B3GNT4: variants seen among roughly 807,000 people sequenced by gnomAD.
B3GNT4 encodes the protein UDP-GlcNAc:betaGal beta-1,3-N-acetylglucosaminyltransferase 4, also known as N-acetyllactosaminide beta-1,3-N-acetylglucosaminyltransferase 4.
A neutral mutation model predicts 2.7 loss-of-function variants in B3GNT4; 2 were observed. The ratio of observed to expected loss-of-function variants is 0.73; its 90% CI spans 0.30 to 2.31. B3GNT4 has a LOEUF of 2.31. Among genes scored for constraint, B3GNT4 ranks in the 30% most tolerant of loss-of-function variants. B3GNT4 has a pLI of 0.12. For synonymous variants in B3GNT4, 280 were observed against 203.4 expected (o/e 1.38, Z -3.20); for missense variants, 708 against 490.9 (o/e 1.44, Z -4.18).
Position 122,207,284 on chromosome 12 carries a change from C to A in B3GNT4, c.1033C>A (p.Leu345Ile). 6 of 1,614,006 alleles carry A rather than the reference C, an allele frequency of 3.7e-6. No homozygotes were observed. The highest frequency in any genetic ancestry group is 5.1e-6 in the Non-Finnish European group (6 of 1,179,976). The part of the protein sequence containing the change: ...DPLDPCLYRG[L>I]LLVHRLSPLE... ...CTTAGACCCCTGCCTGTATAGGGGG[C>A]TCCTGCTGGTTCACCGCCTCAGCCC... The change falls in exon 3 of 3, where the codon CTC (leucine) becomes ATC (isoleucine). Residue 345 changes from leucine (L) to isoleucine (I), a missense_variant. By Grantham distance (5) the Leu-to-Ile change is conservative (BLOSUM62 2). Transcript: ENST00000324189.
In B3GNT4 at chr12:122,208,143, TAC is replaced by T; in HGVS notation, c.*757_*758del. ...TAAAAAAAATGGGTAAGAGCAGCTG[TAC>T]AGAGTGGGGTGAAATGTTAAACAGG... On this transcript the variant is annotated 3_prime_UTR_variant, in exon 3 of 3. Transcript: ENST00000324189. 1 of 689,624 alleles carries T rather than the reference TAC, an allele frequency of 1.5e-6. No individual in the cohort carries two copies. Among genetic ancestry groups the T allele is most frequent in the Non-Finnish European group, 2.6e-6 (1 of 379,580 alleles). The allele number at this position is 689,624 out of a possible 1,614,324, so 42.7% of individuals were successfully genotyped here. A position where few individuals can be genotyped will look rare whatever the true frequency, so the allele number is the denominator to read the frequency against.
Position 122,206,319 on chromosome 12 carries a change from G to A in B3GNT4, c.68G>A (p.Gly23Glu). The change falls in exon 3 of 3, where the codon GGA (glycine) becomes GAA (glutamate). Residue 23 changes from glycine (G) to glutamate (E), a missense_variant and splice_region_variant. Gly to Glu is a moderately conservative substitution (Grantham distance 98). Coordinates refer to ENST00000324189, the MANE Select transcript of B3GNT4 (RefSeq NM_030765.4). ...GCTCAGGTGGCTCTCTCCTTGCAGG[G>A]ACCGGCGATGCTCTGCAGGCTGTGC... The part of the protein sequence containing the change: ...RGGRSGLLPK[G>E]PAMLCRLCWL... The A allele has an allele frequency of 6.4e-7, 1 of 1,556,166 alleles. No homozygotes were observed. The highest frequency in any genetic ancestry group is 8.7e-7 in the Non-Finnish European group (1 of 1,150,926).
chr12:122,204,538 A>G lies in B3GNT4; in HGVS notation c.-81A>G. The G allele has an allele frequency of 5.7e-6, 7 of 1,227,644 alleles. No individual in the cohort carries two copies. In the South Asian group the frequency reaches 8.6e-5, roughly 15 times the overall value. The allele number at this position is 1,227,644 out of a possible 1,614,324, so 76.0% of individuals were successfully genotyped here. A position where few individuals can be genotyped will look rare whatever the true frequency, so the allele number is the denominator to read the frequency against. ...CGTCCACAGCCCGCGGTGCTCGCAC[A>G]CCTGAGACTCATCTCGCTTCGACCC... On this transcript the variant is annotated 5_prime_UTR_variant, in exon 2 of 3. Transcript: ENST00000324189.
rs1953938128 is a variant in B3GNT4, at chr12:122,207,187, G to A, written c.936G>A (p.Leu312=). ...PIDDVFVGMC[L]RRLGLSPMHH... ...ATGATGTCTTTGTGGGTATGTGCCT[G>A]AGGCGGCTGGGGCTGAGCCCTATGC... is the stretch of plus-strand genomic sequence containing the variant. The change falls in exon 3 of 3, where the codon CTG becomes CTA. Residue 312 remains leucine, a synonymous_variant. Transcript: ENST00000324189. 2.5e-6 allele frequency: 4 copies of A among 1,614,042 alleles called. No homozygotes were observed. The East Asian group carries it at 6.7e-5, about 27-fold the overall frequency.
rs1338337439 is a variant in B3GNT4 at position 122,207,485 on chromosome 12, G to C, written c.*97G>C. 1 of 1,205,670 alleles carries C rather than the reference G, an allele frequency of 8.3e-7. No individual in the cohort carries two copies. The highest frequency in any genetic ancestry group is 1.1e-6 in the Non-Finnish European group (1 of 888,472). 74.7% of individuals were successfully genotyped at this position (1,205,670 alleles called of 1,614,324 possible). On this transcript the variant is annotated 3_prime_UTR_variant, in exon 3 of 3. Coordinates refer to ENST00000324189, the MANE Select transcript of B3GNT4 (RefSeq NM_030765.4). ...GCTGCTCTACAGAAAATGCCAACTT[G>C]GTTTTTTAACTCCTCTCACCCTGTT...
intron 2 of B3GNT4, 124 bp from the exon 3 acceptor site, chr12:122,206,194 G>A (rs1301613636): frequency 6.7e-6 from 5 of 740,960 alleles, no homozygotes; most frequent in East Asian, 2.7e-5. Flanking sequence ...CTGAGGATAC[G>A]CTGAGAATAA....
At position 122,206,932 on chromosome 12, in the gene B3GNT4, CGT is replaced by C; in HGVS notation, c.684_685del (p.Leu229ArgfsTer28). 6.2e-7 allele frequency: 1 copy of C among 1,614,150 alleles called. No individual in the cohort carries two copies. The highest frequency in any genetic ancestry group is 8.5e-7 in the Non-Finnish European group (1 of 1,180,038). ...ACGATGTCTTTGTCCACGTCCCCAA[CGT>C]GTTAGAGTTCCTGGATGGCTGGGAC... ...DDDVFVHVPN[V>X]LEFLDGWDPA... On this transcript the variant is annotated frameshift_variant, in exon 3 of 3. Transcript: ENST00000324189. LOFTEE classifies it low-confidence loss of function (END_TRUNC).
rs1189746097 is a variant in B3GNT4 at position 122,207,279 on chromosome 12, G to C, written c.1028G>C (p.Arg343Thr). The change falls in exon 3 of 3, where the codon AGG (arginine) becomes ACG (threonine). Residue 343 changes from arginine (R) to threonine (T), a missense_variant. Arg to Thr is a moderately conservative substitution (Grantham distance 71, BLOSUM62 -1). Transcript: ENST00000324189. ...GACCCCTTAGACCCCTGCCTGTATA[G>C]GGGGCTCCTGCTGGTTCACCGCCTC... ...PLDPLDPCLY[R>T]GLLLVHRLSP... 2 of 1,613,908 alleles carry C rather than the reference G, an allele frequency of 1.2e-6. No homozygotes were observed. Among genetic ancestry groups the C allele is most frequent in the Non-Finnish European group, 1.7e-6 (2 of 1,180,000 alleles).
chr12:122,204,307 C>T (rs1470914781), intron 1 of B3GNT4, among the ~76,000 whole-genome samples: 3 of 151,892 alleles, frequency 2.0e-5, no homozygotes, highest in Admixed American at 1.3e-4. Context: ...GTGCGCTCCG[C>T]GGCGGGTGGA....
rs1164470857 is a variant in B3GNT4, at chr12:122,207,622, T to TG, written c.*238dup. 1.6e-6 allele frequency: 1 copy of TG among 628,550 alleles called. No homozygotes were observed. Among genetic ancestry groups the TG allele is most frequent in the African/African-American group, 1.8e-5 (1 of 54,564 alleles). The allele number at this position is 628,550 out of a possible 1,614,324, so 38.9% of individuals were successfully genotyped here. A position where few individuals can be genotyped will look rare whatever the true frequency, so the allele number is the denominator to read the frequency against. Reference sequence around the variant, plus strand: ...CTGTCGGGGCATTCCGGGCGCTGCCTGGGGCGCTGCAGTCTGGGACCTCAA... The same window carrying TG: ...CTGTCGGGGCATTCCGGGCGCTGCCTGGGGGCGCTGCAGTCTGGGACCTCAA... On this transcript the variant is annotated 3_prime_UTR_variant, in exon 3 of 3. Transcript: ENST00000324189.
rs138766757 is a variant in B3GNT4 at position 122,206,356 on chromosome 12, G to A, written c.105G>A (p.Ser35=). ...AMLCRLCWLV[S]YSLAVLLLGC... ...TCTGCAGGCTGTGCTGGCTGGTCTCGTACAGCTTGGCTGTGCTGTTGCTCG... is the reference window on the plus strand; with the variant it reads ...TCTGCAGGCTGTGCTGGCTGGTCTCATACAGCTTGGCTGTGCTGTTGCTCG... The change falls in exon 3 of 3, where the codon TCG becomes TCA. Residue 35 remains serine (S), a synonymous_variant. Coordinates refer to ENST00000324189, the MANE Select transcript of B3GNT4 (RefSeq NM_030765.4). The A allele has an allele frequency of 1.2e-5, 19 of 1,601,674 alleles. No individual in the cohort carries two copies. Among genetic ancestry groups the A allele is most frequent in the Admixed American group, 5.1e-5 (3 of 59,392 alleles).
rs1953943024 is a variant in B3GNT4, at chr12:122,207,309, CCCT to C, written c.1060_1062del (p.Leu354del). 1 of 1,612,816 alleles carries C rather than the reference CCCT, an allele frequency of 6.2e-7. No homozygotes were observed. Among genetic ancestry groups the C allele is most frequent in the Admixed American group, 1.7e-5 (1 of 59,844 alleles). Reference sequence around the variant, plus strand: ...CTCCTGCTGGTTCACCGCCTCAGCCCCCTCGAGATGTGGACCATGTGGGCACTG... The same window carrying C: ...CTCCTGCTGGTTCACCGCCTCAGCCCCGAGATGTGGACCATGTGGGCACTG... On this transcript the variant is annotated inframe_deletion, in exon 3 of 3. Transcript: ENST00000324189.
chr12:122,203,746 A>G lies in B3GNT4; in HGVS notation c.-153A>G, dbSNP rs1023648941. ...CGAGAGCTCCGCGCACCTGGGCGCC[A>G]TCCGCCCTGGCTCCGCTGCACGAGC... On this transcript the variant is annotated 5_prime_UTR_variant, in exon 1 of 3. Coordinates refer to ENST00000324189, the MANE Select transcript of B3GNT4 (RefSeq NM_030765.4). The G allele has an allele frequency of 2.5e-5, 6 of 236,702 alleles. No homozygotes were observed. Among genetic ancestry groups the G allele is most frequent in the African/African-American group, 1.4e-4 (6 of 41,596 alleles). 14.7% of individuals were successfully genotyped at this position (236,702 alleles called of 1,614,324 possible).
At position 122,206,988 on chromosome 12, in the gene B3GNT4, T is replaced by A; in HGVS notation, c.737T>A (p.Val246Asp). 6.2e-7 allele frequency: 1 copy of A among 1,613,972 alleles called. No individual in the cohort carries two copies. The highest frequency in any genetic ancestry group is 8.5e-7 in the Non-Finnish European group (1 of 1,179,966). The change falls in exon 3 of 3, where the codon GTC becomes GAC. Residue 246 changes from valine to aspartate, a missense_variant. By Grantham distance (152) the Val-to-Asp change is radical. Coordinates refer to ENST00000324189, the MANE Select transcript of B3GNT4 (RefSeq NM_030765.4). ...DPAQDLLVGD[V>D]IRQALPNRNT... ...GCCCAGGACCTCCTGGTGGGAGATG[T>A]CATCCGCCAAGCCCTGCCCAACAGG...
chr12:122,207,075 A>C lies in B3GNT4; in HGVS notation c.824A>C (p.Tyr275Ser). Residue 275 changes from tyrosine (Y) to serine (S), a missense_variant, in exon 3 of 3, where the codon TAT becomes TCT. Tyr to Ser is a moderately radical substitution (Grantham distance 144, BLOSUM62 -2). Transcript: ENST00000324189. ...TACAGGGCCACCCACTACCCACCCT[A>C]TGCTGGTGGGGGAGGATATGTCATG... ...SMYRATHYPPYAGGGGYVMSR... is the reference protein window; with the variant it reads ...SMYRATHYPPSAGGGGYVMSR... 6.2e-7 allele frequency: 1 copy of C among 1,613,926 alleles called. No homozygotes were observed. Among genetic ancestry groups the C allele is most frequent in the Non-Finnish European group, 8.5e-7 (1 of 1,179,946 alleles).
rs751518029 is a variant in B3GNT4, at chr12:122,207,348, A to T, written c.1097A>T (p.Glu366Val). The T allele has an allele frequency of 6.3e-7, 1 of 1,598,248 alleles. No homozygotes were observed. Among genetic ancestry groups the T allele is most frequent in the South Asian group, 1.1e-5 (1 of 89,300 alleles). The change falls in exon 3 of 3, where the codon GAG becomes GTG. Residue 366 changes from glutamate (E) to valine (V), a missense_variant. Physicochemically the swap from Glu to Val is moderately radical, Grantham distance 121. Transcript: ENST00000324189. ...ACCATGTGGGCACTGGTGACAGATG[A>T]GGGGCTCAAGTGTGCAGCTGGCCCC... ...MWTMWALVTD[E>V]GLKCAAGPIP...
chr12:122,208,365 C>CA lies in B3GNT4; in HGVS notation c.*978dup. ...TTCCCCACTGAGTGGGGAGACAGGG[C>CA]AGTGTGCTCAGGCCCTCAATCCTCA... On this transcript the variant is annotated 3_prime_UTR_variant, in exon 3 of 3. Transcript: ENST00000324189. 2 of 1,611,132 alleles carry CA rather than the reference C, an allele frequency of 1.2e-6. No homozygotes were observed. The highest frequency in any genetic ancestry group is 1.7e-6 in the Non-Finnish European group (2 of 1,179,948).
In B3GNT4 at chr12:122,206,498, T is replaced by A. The variant is rs1001178; in HGVS notation, c.247T>A (p.Ser83Thr). 0.016 allele frequency: 25,238 copies of A among 1,614,124 alleles called. 648 individuals are homozygous for A. The highest frequency in any genetic ancestry group is 0.097 in the African/African-American group (7,277 of 75,024). Residue 83 changes from serine (S) to threonine (T), a missense_variant, in exon 3 of 3, where the codon TCT (serine) becomes ACT (threonine). Physicochemically the swap from Ser to Thr is moderately conservative, Grantham distance 58. Coordinates refer to ENST00000324189, the MANE Select transcript of B3GNT4 (RefSeq NM_030765.4). The stretch of plus-strand genomic sequence containing the variant: ...CCGGTGTCCACCCAACCACACAGTG[T>A]CTAGCGCCTCTCTGTCCCTGCCTAG... Reference protein sequence around the residue: ...HSRCPPNHTVSSASLSLPSRH... With the variant: ...HSRCPPNHTVTSASLSLPSRH...
chr12:122,204,387 C>T lies in B3GNT4; in HGVS notation c.-97-135C>T, dbSNP rs1593158579. The T allele has an allele frequency of 3.1e-5, 13 of 419,740 alleles. No homozygotes were observed. The East Asian group carries it at 6.5e-4, about 21-fold the overall frequency. 26.0% of individuals were successfully genotyped at this position (419,740 alleles called of 1,614,324 possible). On this transcript the variant is annotated intron_variant, in intron 1 of 2. Transcript: ENST00000324189. ...AGGCCGTGCGGCCAGCGCCTGGGGACGCCCGCGGCGGGACAGGGGCCACCC... is the reference window on the plus strand; with the variant it reads ...AGGCCGTGCGGCCAGCGCCTGGGGATGCCCGCGGCGGGACAGGGGCCACCC...
Sources: gnomAD v4.1 joint callset for allele counts (sites outside exome capture counted in the v4.1 genomes callset) on GRCh38, gnomAD v4.1.1 for gene constraint, MANE v1.5 for transcripts, NCBI Gene and HGNC (gene_info 2026-07-23, HGNC 2026-07-21) for gene names.